LRRC53: variants seen among roughly 807,000 people sequenced by gnomAD.
The protein encoded by LRRC53 is leucine rich repeat containing 53.
A neutral mutation model predicts 13.6 loss-of-function variants in LRRC53; 25 were observed. The observed-to-expected ratio is 1.83, with a 90% CI of 1.34 to 2.56. LRRC53 has a LOEUF of 2.56. Among genes scored for constraint, LRRC53 ranks in the 30% most tolerant of loss-of-function variants. The pLI, the probability that LRRC53 is intolerant of heterozygous loss-of-function variation, is 0.00. For missense variants in LRRC53, 527 were observed against 275.8 expected, an observed-to-expected ratio of 1.91 and a Z score of -6.45; for synonymous variants, 204 against 109.8, an observed-to-expected ratio of 1.86 and a Z score of -5.37.
the LRRC53 span, among the ~76,000 whole-genome samples, chr1:74,518,075 G>C: frequency 6.6e-6 from 1 of 152,190 alleles, no homozygotes; most frequent in Non-Finnish European, 1.5e-5. Flanking sequence ...TAGGGCAGCC[G>C]TGTGCAGGTT....
chr1:74,520,086 T>A, the LRRC53 span, among the ~76,000 whole-genome samples: 20 of 152,168 alleles, frequency 1.3e-4, no homozygotes, highest in Non-Finnish European at 1.2e-4. Context: ...TTTGTGAGAT[T>A]TTGGAGCACC....
chr1:74,519,763 A>G, the LRRC53 span, among the ~76,000 whole-genome samples: 37 of 152,280 alleles, frequency 2.4e-4, no homozygotes, highest in African/African-American at 8.9e-4. Flanking sequence ...AAGTACCTAT[A>G]ATGAAGATAT....
At chr1:74,491,484 C>T (rs552545763) in intron 1 of LRRC53, among the ~76,000 whole-genome samples, 2 of 152,088 alleles carry the variant, frequency 1.3e-5, no homozygotes, top group South Asian at 4.1e-4. Flanking sequence ...TCATGATCCG[C>T]TCACCTCAGG....
intron 1 of LRRC53, chr1:74,491,977 G>C: frequency 7.4e-7 from 1 of 1,344,238 alleles, no homozygotes; most frequent in Non-Finnish European, 9.8e-7. Context: ...GGAGCAAGCT[G>C]AGTGAATAGA....
chr1:74,518,478 C>A, the LRRC53 span, among the ~76,000 whole-genome samples: 5 of 152,002 alleles, frequency 3.3e-5, no homozygotes, highest in Admixed American at 3.3e-4. Context: ...CTTTTCTTAC[C>A]TCAAGGATCT....
intron 1 of LRRC53, among the ~76,000 whole-genome samples, chr1:74,501,150 T>TA: frequency 6.6e-6 from 1 of 152,154 alleles, no homozygotes; most frequent in Non-Finnish European, 1.5e-5. Context: ...AATCTCTTTT[T>TA]AAAAAATATT....
At chr1:74,505,597 T>C (rs907266244) in intron 1 of LRRC53, among the ~76,000 whole-genome samples, 1 of 152,210 alleles carries the variant, frequency 6.6e-6, no homozygotes, top group Non-Finnish European at 1.5e-5. Flanking sequence ...GTGGACTATA[T>C]CTAAACCTCA....
the LRRC53 span, among the ~76,000 whole-genome samples, chr1:74,523,931 C>A: frequency 2.7e-4 from 41 of 152,250 alleles, no homozygotes; most frequent in East Asian, 3.1e-3. Flanking sequence ...CCTTTCCCCC[C>A]ACCCCCGACA....
In LRRC53 at chr1:74,472,217, T is replaced by C. The variant is rs544188492; in HGVS notation, c.1421-16A>G. The C allele has an allele frequency of 1.4e-6, 1 of 715,946 alleles. No homozygotes were observed. The highest frequency in any genetic ancestry group is 2.0e-5 in the Admixed American group (1 of 49,864). 44.3% of individuals were successfully genotyped at this position (715,946 alleles called of 1,614,324 possible). ...CTGCTGATATCTGTGGAACAATAAATGCAAGAATTTAGCACTTAGCAGAGT... is the reference window on the plus strand; with the variant it reads ...CTGCTGATATCTGTGGAACAATAAACGCAAGAATTTAGCACTTAGCAGAGT... On this transcript the variant is annotated splice_polypyrimidine_tract_variant and intron_variant, in intron 4 of 4. Coordinates refer to ENST00000294635, the MANE Select transcript of LRRC53 (RefSeq NM_001382280.1).
intron 1 of LRRC53, among the ~76,000 whole-genome samples, chr1:74,511,140 C>T (rs548066499): frequency 8.6e-5 from 13 of 151,614 alleles, no homozygotes; most frequent in South Asian, 4.2e-4. Context: ...GTGATCCATC[C>T]GCCTTGGCCT....
chr1:74,506,154 T>C (rs1669887311), intron 1 of LRRC53, among the ~76,000 whole-genome samples: 1 of 152,088 alleles, frequency 6.6e-6, no homozygotes, highest in Non-Finnish European at 1.5e-5. Flanking sequence ...GGCCAAAGGA[T>C]AAAAAGAGAA....
At chr1:74,472,586 G>A (rs17095394) in intron 4 of LRRC53, among the ~76,000 whole-genome samples, 2,405 of 152,042 alleles carry the variant, frequency 0.016, 68 homozygotes, top group African/African-American at 0.055. Flanking sequence ...TAAATATTGG[G>A]CAGAACATGG....
chr1:74,472,237 C>T, intron 4 of LRRC53, 36 bp from the exon 5 acceptor site: 3 of 713,676 alleles, frequency 4.2e-6, no homozygotes, highest in Non-Finnish European at 7.8e-6. Context: ...TAGCACTTAG[C>T]AGAGTTTTAT....
the LRRC53 span, among the ~76,000 whole-genome samples, chr1:74,518,353 C>T: frequency 6.6e-6 from 1 of 152,108 alleles, no homozygotes; most frequent in Non-Finnish European, 1.5e-5. Context: ...TTACTGTTCA[C>T]TCCTTTCATT....
chr1:74,491,838 G>A (rs1264767825), intron 1 of LRRC53, among the ~76,000 whole-genome samples: 1 of 152,126 alleles, frequency 6.6e-6, no homozygotes, highest in Non-Finnish European at 1.5e-5. Context: ...AATCTGAGTT[G>A]GGCCTACTGT....
chr1:74,533,065 G>A, the LRRC53 span, among the ~76,000 whole-genome samples: 1 of 152,146 alleles, frequency 6.6e-6, no homozygotes, highest in East Asian at 1.9e-4. Context: ...ATTGACAAAT[G>A]GGATCTAATT....
chr1:74,515,346 G>A (rs200102147), upstream of LRRC53, among the ~76,000 whole-genome samples: 9 of 152,056 alleles, frequency 5.9e-5, no homozygotes, highest in South Asian at 2.1e-4. Flanking sequence ...GGGACTATGC[G>A]GAAAACCCAC....
At chr1:74,527,509 A>T in the LRRC53 span, among the ~76,000 whole-genome samples, 3 of 152,212 alleles carry the variant, frequency 2.0e-5, no homozygotes, top group Non-Finnish European at 4.4e-5. Context: ...CAGATGTGGG[A>T]TTTATAAGGC....
chr1:74,518,873 C>CTTTTTTTTTTTTTTTTTTTTTTTTTTTTT, the LRRC53 span, among the ~76,000 whole-genome samples: 4 of 100,358 alleles, frequency 4.0e-5, no homozygotes, highest in Admixed American at 1.0e-4. Flanking sequence ...TTTTTTTTCC[C>CTTTTTTTTTTTTTTTTTTTTTTTTTTTTT]CTTTTTTTTT....
Sources: allele counts gnomAD v4.1 joint callset (sites outside exome capture counted in the v4.1 genomes callset), GRCh38; gene constraint gnomAD v4.1.1; transcripts MANE v1.5; gene names NCBI Gene and HGNC (gene_info 2026-07-23, HGNC 2026-07-21).